Variants in FBXL13 observed in about 807,000 individuals in gnomAD.
FBXL13 encodes F-box and leucine-rich repeat protein 13.
A neutral mutation model predicts 83.6 loss-of-function variants in FBXL13; 67 were observed. That is an observed-to-expected ratio of 0.80 (90% CI 0.66 to 0.98). FBXL13 has a LOEUF of 0.98. FBXL13 is among the 50% of genes least tolerant of loss of function. The pLI is 0.00. For missense variants in FBXL13, 822 were observed against 866.5 expected (o/e 0.95, Z 0.64); for synonymous variants, 272 against 299.5 (o/e 0.91, Z 0.95).
intron 6 of FBXL13, among the ~76,000 whole-genome samples, chr7:102,982,581 T>C (rs1199669271): frequency 6.6e-6 from 1 of 152,182 alleles, no homozygotes; most frequent in Non-Finnish European, 1.5e-5. Context: ...GTGTTCACTG[T>C]AAAAACCAGT....
intron 7 of FBXL13, among the ~76,000 whole-genome samples, chr7:102,965,701 T>C (rs556755539): frequency 3.3e-5 from 5 of 152,198 alleles, no homozygotes; most frequent in Admixed American, 2.0e-4. Context: ...CAAAGAGACA[T>C]TGGGGAGAGG....
exon 1 of FBXL13, chr7:103,074,254 G>A (rs1799391810): frequency 2.0e-6 from 2 of 998,886 alleles, no homozygotes; most frequent in Non-Finnish European, 2.4e-6. Flanking sequence ...ACCTTGGGCA[G>A]AATCCAGCTC....
In FBXL13 at chr7:102,852,972, T is replaced by C. The variant is rs865979893; in HGVS notation, c.1719+1805A>G. ...ATCAATCAATGAGTAGATAAAGAAA[T>C]TGTGGTATGGAATACTATTCAGCCA... On this transcript the variant is annotated intron_variant, in intron 17 of 19. Transcript: ENST00000313221. Among the ~76,000 whole-genome samples, 2 of 152,030 alleles carry C rather than the reference T, an allele frequency of 1.3e-5. 1 individual carries two copies.
intron 6 of FBXL13, among the ~76,000 whole-genome samples, chr7:102,972,608 T>C (rs1043457063): frequency 1.3e-5 from 2 of 152,050 alleles, no homozygotes; most frequent in African/African-American, 4.8e-5. Context: ...CATTCATCAA[T>C]GTAACCAAAA....
intron 1 of FBXL13, among the ~76,000 whole-genome samples, chr7:103,064,507 C>G (rs1456464607): frequency 6.6e-6 from 1 of 152,186 alleles, no homozygotes; most frequent in Admixed American, 6.5e-5. Context: ...TAATTGAGAT[C>G]CACTTACTGA....
intron 17 of FBXL13, among the ~76,000 whole-genome samples, chr7:102,837,205 T>C (rs1230784470): frequency 6.6e-6 from 1 of 152,224 alleles, no homozygotes; most frequent in Non-Finnish European, 1.5e-5. Flanking sequence ...GGACTGGTCA[T>C]GGCCTGGCAC....
intron 6 of FBXL13, among the ~76,000 whole-genome samples, chr7:103,014,311 C>T (rs934253198): frequency 1.3e-5 from 2 of 152,018 alleles, no homozygotes; most frequent in Non-Finnish European, 1.5e-5. Flanking sequence ...GCCATGATCA[C>T]ACTACTGCAC....
intron 8 of FBXL13, among the ~76,000 whole-genome samples, chr7:102,945,163 A>T (rs549116224): frequency 6.6e-6 from 1 of 152,292 alleles, no homozygotes; most frequent in Admixed American, 6.5e-5. Flanking sequence ...ATCCTTGCAA[A>T]GTACTGTCAA....
rs138336081 is a variant in FBXL13 at position 102,953,846 on chromosome 7, T to C, written c.724+9687A>G. On this transcript the variant is annotated intron_variant, in intron 8 of 19. Coordinates refer to ENST00000313221, the Ensembl canonical transcript of FBXL13. ...GAGTCCATTTCCTTCCTTCAGAAAATGCAGATGTATTTAATAGTATATTTT... is the reference window on the plus strand; with the variant it reads ...GAGTCCATTTCCTTCCTTCAGAAAACGCAGATGTATTTAATAGTATATTTT... Among the ~76,000 whole-genome samples the C allele has an allele frequency of 7.2e-3, 1,103 of 152,196 alleles. 4 individuals are homozygous for C. The highest frequency in any genetic ancestry group is 0.012 in the Non-Finnish European group (792 of 68,026).
chr7:102,842,975 A>G (rs1455781062), intron 17 of FBXL13, among the ~76,000 whole-genome samples: 1 of 152,192 alleles, frequency 6.6e-6, no homozygotes, highest in South Asian at 2.1e-4. Flanking sequence ...ATTGTGCCAC[A>G]TGGCTGCCGC....
chr7:102,935,278 C>A, intron 8 of FBXL13, among the ~76,000 whole-genome samples: 1 of 107,168 alleles, frequency 9.3e-6, no homozygotes, highest in Non-Finnish European at 1.7e-5. Flanking sequence ...TTGAGATGGA[C>A]TCTCGCTCTG....
intron 10 of FBXL13, among the ~76,000 whole-genome samples, chr7:102,917,142 GA>G (rs1202137089): frequency 6.6e-6 from 1 of 152,184 alleles, no homozygotes; most frequent in Non-Finnish European, 1.5e-5. Flanking sequence ...GAATTCTGCA[GA>G]AAACCTAAAT....
chr7:102,867,122 G>C (rs1406342119), intron 16 of FBXL13, among the ~76,000 whole-genome samples: 1 of 152,144 alleles, frequency 6.6e-6, no homozygotes, highest in African/African-American at 2.4e-5. Context: ...GGAAGGCCAA[G>C]GCAAGAGGAT....
At chr7:102,944,311 C>A in intron 8 of FBXL13, 1 of 1,613,930 alleles carries the variant, frequency 6.2e-7, no homozygotes, top group South Asian at 1.1e-5. Flanking sequence ...TTTTTTGAAA[C>A]TCTTGTGGCT....
chr7:103,033,083 A>G (rs1794676047), intron 2 of FBXL13, among the ~76,000 whole-genome samples: 1 of 152,196 alleles, frequency 6.6e-6, no homozygotes, highest in Non-Finnish European at 1.5e-5. Flanking sequence ...ACACACACAT[A>G]CACACTCACA....
chr7:102,930,781 G>A (rs764681613), intron 9 of FBXL13, among the ~76,000 whole-genome samples: 2 of 152,080 alleles, frequency 1.3e-5, no homozygotes, highest in Admixed American at 6.5e-5. Context: ...TCTTATTCAC[G>A]CTTATGATGT....
chr7:102,903,746 T>C (rs930355246), intron 11 of FBXL13, among the ~76,000 whole-genome samples: 1 of 152,098 alleles, frequency 6.6e-6, no homozygotes, highest in African/African-American at 2.4e-5. Context: ...TTATCCTTCA[T>C]TCTGTTGATG....
chr7:102,958,204 G>C (rs968329236), intron 8 of FBXL13, among the ~76,000 whole-genome samples: 3 of 152,122 alleles, frequency 2.0e-5, no homozygotes, highest in Non-Finnish European at 4.4e-5. Context: ...ATACTATGCA[G>C]CCATAAAAAG....
chr7:102,976,093 C>T (rs1249140460), intron 6 of FBXL13: 2 of 766,474 alleles, frequency 2.6e-6, no homozygotes, highest in Non-Finnish European at 4.8e-6. Flanking sequence ...GGACCACCCC[C>T]ATCCCTTCCT....
Sources: gnomAD v4.1 joint callset for allele counts (sites outside exome capture counted in the v4.1 genomes callset) on GRCh38, gnomAD v4.1.1 for gene constraint, MANE v1.5 for transcripts, NCBI Gene and HGNC (gene_info 2026-07-23, HGNC 2026-07-21) for gene names.